FLRT2: variants seen among roughly 807,000 people sequenced by gnomAD.
FLRT2 encodes fibronectin leucine rich transmembrane protein 2.
A neutral mutation model predicts 40.0 loss-of-function variants in FLRT2; 15 were observed. That is an observed-to-expected ratio of 0.38 (90% CI 0.25 to 0.58). FLRT2 has a LOEUF of 0.58. Ranked by LOEUF, FLRT2 falls within the 20% of genes least tolerant of loss-of-function variation. The probability of loss-of-function intolerance (pLI) is 0.71; values close to 1 mark genes in which losing one functional copy is unlikely to be tolerated. For missense variants in FLRT2, 726 were observed against 840.0 expected (o/e 0.86, Z 1.68); for synonymous variants, 380 against 336.8 (o/e 1.13, Z -1.41).
At chr14:85,572,956 C>A (rs1189553351) in intron 1 of FLRT2, among the ~76,000 whole-genome samples, 1 of 152,058 alleles carries the variant, frequency 6.6e-6, no homozygotes, top group African/African-American at 2.4e-5. Flanking sequence ...TCACTACTTT[C>A]CACTCTACTG....
chr14:85,623,294 A>C lies in FLRT2; in HGVS notation c.1780A>C (p.Lys594Gln), dbSNP rs1893513690. 10 of 1,517,434 alleles carry C rather than the reference A, an allele frequency of 6.6e-6. No individual in the cohort carries two copies. The highest frequency in any genetic ancestry group is 8.8e-6 in the Non-Finnish European group (10 of 1,133,990). The allele number at this position is 1,517,434 out of a possible 1,614,324, so 94.0% of individuals were successfully genotyped here. The stretch of plus-strand genomic sequence containing the variant: ...AGATGATTATTGCGAGGCAGGCACC[A>C]AGAAGGACAACTCCATCCTGGAGAT... Reference protein sequence around the residue: ...RKDDYCEAGTKKDNSILEMTE... With the variant: ...RKDDYCEAGTQKDNSILEMTE... Residue 594 changes from lysine (K) to glutamine (Q), a missense_variant, in exon 2 of 2, where the codon AAG (lysine) becomes CAG (glutamine). Physicochemically the swap from Lys to Gln is moderately conservative, Grantham distance 53. Transcript: ENST00000330753.
At chr14:85,594,240 T>G (rs904820771) in intron 1 of FLRT2, among the ~76,000 whole-genome samples, 1 of 152,216 alleles carries the variant, frequency 6.6e-6, no homozygotes, top group African/African-American at 2.4e-5. Flanking sequence ...AATATTTAAC[T>G]GTTATTGCTT....
intron 1 of FLRT2, among the ~76,000 whole-genome samples, chr14:85,612,507 G>A (rs1313431565): frequency 2.0e-5 from 3 of 152,156 alleles, no homozygotes; most frequent in African/African-American, 7.2e-5. Flanking sequence ...GCTTTAGAAT[G>A]ACTCGATTTG....
chr14:85,563,577 T>C (rs1039814714), intron 1 of FLRT2, among the ~76,000 whole-genome samples: 5 of 152,046 alleles, frequency 3.3e-5, no homozygotes, highest in African/African-American at 1.2e-4. Flanking sequence ...AAGTGCCACA[T>C]ACTTTTAAAA....
intron 1 of FLRT2, among the ~76,000 whole-genome samples, chr14:85,541,286 A>T (rs570230028): frequency 2.0e-5 from 3 of 152,190 alleles, no homozygotes; most frequent in Non-Finnish European, 4.4e-5. Flanking sequence ...GATTTTTAGC[A>T]CTATCCATGA....
At chr14:85,582,480 G>T (rs1454235211) in intron 1 of FLRT2, among the ~76,000 whole-genome samples, 1 of 152,154 alleles carries the variant, frequency 6.6e-6, no homozygotes, top group Non-Finnish European at 1.5e-5. Flanking sequence ...AATTAGGCCA[G>T]TCAGAGTTTA....
chr14:85,578,141 T>G (rs1315621095), intron 1 of FLRT2, among the ~76,000 whole-genome samples: 1 of 145,760 alleles, frequency 6.9e-6, no homozygotes, highest in Non-Finnish European at 1.5e-5. Context: ...TATATATATA[T>G]TTATATATAT....
rs1034060873 is a variant in FLRT2, at chr14:85,630,361, A to G, written c.*6864A>G. 1.8e-4 allele frequency: 20 copies of G among 113,980 alleles called. No homozygotes were observed. In the Middle Eastern group the frequency reaches 0.038, roughly 215 times the overall value. The allele number at this position is 113,980 out of a possible 1,614,324, so 7.1% of individuals were successfully genotyped here. On this transcript the variant is annotated 3_prime_UTR_variant, in exon 2 of 2. Coordinates refer to ENST00000330753, the MANE Select transcript of FLRT2 (RefSeq NM_013231.6). Reference sequence around the variant, plus strand: ...TCAATATATCCTTAGGGGAATTCTTATTACTTCAATGACATAATAAACCTC... The same window carrying G: ...TCAATATATCCTTAGGGGAATTCTTGTTACTTCAATGACATAATAAACCTC...
intron 1 of FLRT2, among the ~76,000 whole-genome samples, chr14:85,596,230 C>A (rs1305742410): frequency 6.6e-6 from 1 of 152,242 alleles, no homozygotes; most frequent in Non-Finnish European, 1.5e-5. Context: ...ACGTTATCTT[C>A]TCTTCCAGAT....
chr14:85,557,002 G>A (rs1890004628), intron 1 of FLRT2, among the ~76,000 whole-genome samples: 1 of 152,136 alleles, frequency 6.6e-6, no homozygotes, highest in South Asian at 2.1e-4. Context: ...AGAAACCCCT[G>A]ATAAAACCAT....
intron 1 of FLRT2, among the ~76,000 whole-genome samples, chr14:85,570,870 C>A (rs11846222): frequency 6.6e-6 from 1 of 150,622 alleles, no homozygotes; most frequent in Non-Finnish European, 1.5e-5. Context: ...CAGGCGTGAG[C>A]CACCACGCCC....
chr14:85,623,088 C>T lies in FLRT2; in HGVS notation c.1574C>T (p.Thr525Ile). Residue 525 changes from threonine to isoleucine, a missense_variant, in exon 2 of 2, where the codon ACA becomes ATA. Physicochemically the swap from Thr to Ile is moderately conservative, Grantham distance 89. Coordinates refer to ENST00000330753, the MANE Select transcript of FLRT2 (RefSeq NM_013231.6). ...TCCTATCTGAACAACGGCAGCAACA[C>T]AGCGTCCAGCCATGAGCAGACGACG... ...HASYLNNGSN[T>I]ASSHEQTTSH... 1 of 1,614,064 alleles carries T rather than the reference C, an allele frequency of 6.2e-7. No homozygotes were observed.
chr14:85,616,367 G>T (rs184633050), intron 1 of FLRT2, among the ~76,000 whole-genome samples: 4 of 150,260 alleles, frequency 2.7e-5, no homozygotes, highest in Non-Finnish European at 4.4e-5. Flanking sequence ...AATTCATCTT[G>T]TAAAGCAACT....
At chr14:85,588,655 G>A (rs1007457751) in intron 1 of FLRT2, among the ~76,000 whole-genome samples, 2 of 151,962 alleles carry the variant, frequency 1.3e-5, no homozygotes, top group East Asian at 1.9e-4. Context: ...TAAAATGTAC[G>A]GTTAAGTTAT....
intron 1 of FLRT2, among the ~76,000 whole-genome samples, chr14:85,585,909 T>A (rs1472882575): frequency 6.6e-6 from 1 of 151,858 alleles, no homozygotes; most frequent in Non-Finnish European, 1.5e-5. Context: ...TGATAGAAGA[T>A]ATTTTGATAA....
At chr14:85,610,554 CT>C (rs1892813586) in intron 1 of FLRT2, among the ~76,000 whole-genome samples, 1 of 152,180 alleles carries the variant, frequency 6.6e-6, no homozygotes, top group Admixed American at 6.5e-5. Context: ...TATTTCTGCA[CT>C]TTGCCTTCTC....
intron 1 of FLRT2, among the ~76,000 whole-genome samples, chr14:85,534,074 C>T (rs1021577861): frequency 6.6e-6 from 1 of 152,014 alleles, no homozygotes; most frequent in Non-Finnish European, 1.5e-5. Context: ...CTGGCCCTCG[C>T]GGGTCTGGCA....
Position 85,621,417 on chromosome 14 carries a change from T to A in FLRT2, c.-98T>A. 2.6e-6 allele frequency: 3 copies of A among 1,171,400 alleles called. No homozygotes were observed. Among genetic ancestry groups the A allele is most frequent in the Non-Finnish European group, 3.5e-6 (3 of 845,338 alleles). 72.6% of individuals were successfully genotyped at this position (1,171,400 alleles called of 1,614,324 possible). On this transcript the variant is annotated 5_prime_UTR_variant, in exon 2 of 2. Coordinates refer to ENST00000330753, the MANE Select transcript of FLRT2 (RefSeq NM_013231.6). ...GTTCCCTCTAGCTGGAGTTCTGGAC[T>A]TCAACAGAACCCCATCCAGTCATTT... is the stretch of plus-strand genomic sequence containing the variant.
intron 1 of FLRT2, among the ~76,000 whole-genome samples, chr14:85,609,704 C>T (rs1355993385): frequency 1.3e-5 from 2 of 152,182 alleles, no homozygotes; most frequent in Non-Finnish European, 2.9e-5. Flanking sequence ...GGGGCCTGCC[C>T]TCTGCAGTGA....
Sources: gnomAD v4.1 joint callset for allele counts (sites outside exome capture counted in the v4.1 genomes callset) on GRCh38, gnomAD v4.1.1 for gene constraint, MANE v1.5 for transcripts, NCBI Gene and HGNC (gene_info 2026-07-23, HGNC 2026-07-21) for gene names.